The following AGGF1 variants were observed in gnomAD, a reference collection of about 807,000 sequenced individuals.
AGGF1 encodes angiogenic factor with G patch and FHA domains 1.
AGGF1 carries 56 observed loss-of-function variants against 86.5 expected under a neutral mutation model. That is an observed-to-expected ratio of 0.65 (90% confidence interval 0.52 to 0.81). The LOEUF (loss-of-function observed/expected upper bound fraction) is 0.81. Ranked by LOEUF, AGGF1 falls within the 30% of genes least tolerant of loss-of-function variation. The pLI is 0.00. For missense variants in AGGF1, 816 were observed against 850.9 expected (o/e 0.96, Z 0.51); for synonymous variants, 313 against 297.1 (o/e 1.05, Z -0.55).
chr5:77,054,059 A>G lies in AGGF1; in HGVS notation c.1562A>G (p.Asp521Gly). 1.2e-6 allele frequency: 2 copies of G among 1,614,184 alleles called. No individual in the cohort carries two copies. Among genetic ancestry groups the G allele is most frequent in the Middle Eastern group, 1.6e-4 (1 of 6,062 alleles). Reference protein sequence around the residue: ...VLSFHIHPGSDTCDGCEPGQV... With the variant: ...VLSFHIHPGSGTCDGCEPGQV... ...TCCTTTCACATTCATCCTGGCAGTG[A>G]TACCTGTGATGGCTGTGAACCAGGG... is the stretch of plus-strand genomic sequence containing the variant. The change falls in exon 10 of 14, where the codon GAT (aspartate) becomes GGT (glycine). Residue 521 changes from aspartate (D) to glycine (G), a missense_variant. Asp to Gly is a moderately conservative substitution (Grantham distance 94). Around this residue, in one of 3 missense-constraint regions of AGGF1, gnomAD observed 565 missense variants for 585.8 expected, o/e 0.96. Coordinates refer to ENST00000312916, the MANE Select transcript of AGGF1 (RefSeq NM_018046.5).
chr5:77,041,390 A>T (rs926772968), intron 5 of AGGF1, among the ~76,000 whole-genome samples: 1 of 152,090 alleles, frequency 6.6e-6, no homozygotes, highest in East Asian at 1.9e-4. Flanking sequence ...AACATGGTGA[A>T]TCCCCGTCTC....
At chr5:77,031,760 C>T (rs1045442676) in intron 1 of AGGF1, among the ~76,000 whole-genome samples, 10 of 152,022 alleles carry the variant, frequency 6.6e-5, no homozygotes, top group Admixed American at 4.6e-4. Context: ...AAAAATTAGC[C>T]GGGCGTGGCG....
chr5:77,052,361 A>AT (rs1378700555), intron 8 of AGGF1, among the ~76,000 whole-genome samples: 102 of 152,242 alleles, frequency 6.7e-4, no homozygotes, highest in African/African-American at 2.4e-3. Context: ...TCAAAAAAAA[A>AT]AGTTTTTGAT....
intron 6 of AGGF1, among the ~76,000 whole-genome samples, chr5:77,047,167 T>C (rs1747283453): frequency 6.6e-6 from 1 of 152,160 alleles, no homozygotes; most frequent in South Asian, 2.1e-4. Context: ...GGGTTCTACT[T>C]TAGTGGATTC....
intron 7 of AGGF1, 83 bp from the exon 8 acceptor site, chr5:77,048,853 T>C: frequency 7.9e-7 from 1 of 1,273,808 alleles, no homozygotes; most frequent in Non-Finnish European, 1.1e-6. Context: ...ATTTTAACAT[T>C]ATCTGTTTTT....
intron 5 of AGGF1, among the ~76,000 whole-genome samples, chr5:77,041,215 T>C (rs1747072771): frequency 6.6e-6 from 1 of 152,212 alleles, no homozygotes; most frequent in South Asian, 2.1e-4. Context: ...TTCTGTTTGC[T>C]TTCAAGATCT....
chr5:77,039,789 G>A, intron 5 of AGGF1, 70 bp downstream of exon 5: 3 of 1,357,840 alleles, frequency 2.2e-6, no homozygotes, highest in Non-Finnish European at 3.1e-6. Flanking sequence ...AATTTTTTAT[G>A]AAACTGACAA....
intron 8 of AGGF1, among the ~76,000 whole-genome samples, chr5:77,049,927 T>C (rs1464092495): frequency 1.3e-5 from 2 of 152,200 alleles, no homozygotes; most frequent in African/African-American, 2.4e-5. Context: ...TTATCTTTTT[T>C]CCTGTTTTGC....
Position 77,063,229 on chromosome 5 carries a change from T to C in AGGF1, c.2122T>C (p.Trp708Arg). 1 of 1,613,706 alleles carries C rather than the reference T, an allele frequency of 6.2e-7. No homozygotes were observed. Among genetic ancestry groups the C allele is most frequent in the Non-Finnish European group, 8.5e-7 (1 of 1,179,808 alleles). Residue 708 changes from tryptophan to arginine, a missense_variant, in exon 14 of 14, where the codon TGG becomes CGG. Transcript: ENST00000312916. Reference sequence around the variant, plus strand: ...AAAAGATGACCCAGGGACCATGCCTTGGGTAAAAGGGACTTTAGAGTGAAG... The same window carrying C: ...AAAAGATGACCCAGGGACCATGCCTCGGGTAAAAGGGACTTTAGAGTGAAG... Reference protein sequence around the residue: ...PQKDDPGTMPWVKGTLE With the variant: ...PQKDDPGTMPRVKGTLE
intron 12 of AGGF1, among the ~76,000 whole-genome samples, chr5:77,060,821 A>G (rs1747549247): frequency 6.6e-6 from 1 of 152,240 alleles, no homozygotes; most frequent in African/African-American, 2.4e-5. Flanking sequence ...ACTAAGCAAC[A>G]TGACACTTTT....
At chr5:77,045,639 A>G (rs1406082445) in intron 5 of AGGF1, among the ~76,000 whole-genome samples, 1 of 152,256 alleles carries the variant, frequency 6.6e-6, no homozygotes, top group Non-Finnish European at 1.5e-5. Context: ...ATTTTGCTAC[A>G]TATTGAGTAC....
At chr5:77,046,729 A>G in intron 6 of AGGF1, 52 bp downstream of exon 6, 1 of 1,506,578 alleles carries the variant, frequency 6.6e-7, no homozygotes, top group Non-Finnish European at 9.2e-7. Flanking sequence ...TAACTATAAA[A>G]GAGCAAAACC....
At position 77,046,379 on chromosome 5, in the gene AGGF1, T is replaced by G; in HGVS notation, c.903T>G (p.Ser301Arg). ...DLNSEDQKAF[S>R]VEHTSCNEEE... The stretch of plus-strand genomic sequence containing the variant: ...ACTCAGAGGATCAAAAAGCCTTCAG[T>G]GTTGAACATACAAGCTGCAATGAGG... Residue 301 changes from serine (S) to arginine (R), a missense_variant, in exon 6 of 14, where the codon AGT (serine) becomes AGG (arginine). Physicochemically the swap from Ser to Arg is moderately radical, Grantham distance 110. Coordinates refer to ENST00000312916, the MANE Select transcript of AGGF1 (RefSeq NM_018046.5). The G allele has an allele frequency of 6.2e-7, 1 of 1,613,870 alleles. No individual in the cohort carries two copies. Among genetic ancestry groups the G allele is most frequent in the Non-Finnish European group, 8.5e-7 (1 of 1,179,980 alleles).
intron 6 of AGGF1, among the ~76,000 whole-genome samples, chr5:77,047,079 A>AT (rs1027403762): frequency 2.0e-5 from 3 of 151,598 alleles, no homozygotes; most frequent in African/African-American, 7.3e-5. Flanking sequence ...GGTAAATCTA[A>AT]TTTTTTTTTA....
intron 5 of AGGF1, among the ~76,000 whole-genome samples, chr5:77,044,091 C>A (rs1747198406): frequency 7.2e-6 from 1 of 138,082 alleles, no homozygotes; most frequent in Non-Finnish European, 1.6e-5. Context: ...TCCTCACTTT[C>A]CAGACTGGGC....
chr5:77,049,987 G>A (rs749104110), intron 8 of AGGF1, among the ~76,000 whole-genome samples: 10 of 151,126 alleles, frequency 6.6e-5, no homozygotes, highest in Non-Finnish European at 1.3e-4. Context: ...TTTATTTAAC[G>A]GACTGTAATG....
In AGGF1 at chr5:77,035,799, T is replaced by C. The variant is rs757946286; in HGVS notation, c.516+56T>C. The C allele has an allele frequency of 3.4e-6, 5 of 1,461,574 alleles. No individual in the cohort carries two copies. The African/African-American group carries it at 7.0e-5, about 20-fold the overall frequency. 90.5% of individuals were successfully genotyped at this position (1,461,574 alleles called of 1,614,324 possible). On this transcript the variant is annotated intron_variant, in intron 3 of 13. Transcript: ENST00000312916. The stretch of plus-strand genomic sequence containing the variant: ...TGCCCAAGAACCTGTCCTTCTTTGT[T>C]GTTATTATGTGGAAAGATAGACTTC...
Position 77,053,874 on chromosome 5 carries a change from A to G in AGGF1, c.1468-91A>G, listed in dbSNP as rs1276628512. ...TTTATAGCTATTTTAAATATATTTT[A>G]AAAATTATAATCAGACATTACTTAC... On this transcript the variant is annotated intron_variant, in intron 9 of 13. Transcript: ENST00000312916. 5 of 1,294,882 alleles carry G rather than the reference A, an allele frequency of 3.9e-6. No individual in the cohort carries two copies. In the South Asian group the frequency reaches 5.0e-5, roughly 13 times the overall value. 80.2% of individuals were successfully genotyped at this position (1,294,882 alleles called of 1,614,324 possible). A position where few individuals can be genotyped will look rare whatever the true frequency, so the allele number is the denominator to read the frequency against.
chr5:77,043,516 C>T (rs1317353023), intron 5 of AGGF1, among the ~76,000 whole-genome samples: 3 of 138,036 alleles, frequency 2.2e-5, no homozygotes, highest in Non-Finnish European at 3.2e-5. Context: ...CCGGACGGGG[C>T]GGCTGGCCGG....
Sources: gnomAD v4.1 joint callset for allele counts (sites outside exome capture counted in the v4.1 genomes callset) on GRCh38, gnomAD v4.1.1 for gene constraint, gnomAD v4.1.1 regional missense constraint, MANE v1.5 for transcripts, NCBI Gene and HGNC (gene_info 2026-07-23, HGNC 2026-07-21) for gene names.